The following STK3 variants were observed in gnomAD, a reference collection of about 807,000 sequenced individuals.
STK3 encodes the protein serine/threonine kinase 3, also known as serine/threonine-protein kinase 3.
STK3 carries 41 observed loss-of-function variants against 58.0 expected under a neutral mutation model. That is an observed-to-expected ratio of 0.71 (90% CI 0.55 to 0.92). STK3 has a LOEUF of 0.92. Among genes scored for constraint, STK3 ranks in the 40% least tolerant of loss-of-function variants. The pLI, the probability that STK3 is intolerant of heterozygous loss-of-function variation, is 0.00. For synonymous variants in STK3, 170 were observed against 191.0 expected (o/e 0.89, Z 0.91); for missense variants, 479 against 602.7 (o/e 0.79, Z 2.15).
intron 1 of STK3, among the ~76,000 whole-genome samples, chr8:98,940,010 A>G (rs1840346416): frequency 6.6e-6 from 1 of 152,218 alleles, no homozygotes; most frequent in South Asian, 2.1e-4. Flanking sequence ...TGGACGCGGG[A>G]TCATGGGCGT....
At chr8:98,462,784 TAATC>T (rs1220731796) in intron 10 of STK3, among the ~76,000 whole-genome samples, 1 of 152,356 alleles carries the variant, frequency 6.6e-6, no homozygotes, top group East Asian at 1.9e-4. Context: ...GGTAGCTTAA[TAATC>T]AACCTTTTGA....
chr8:98,814,039 G>A (rs983474816), intron 1 of STK3, among the ~76,000 whole-genome samples: 4 of 152,042 alleles, frequency 2.6e-5, no homozygotes, highest in African/African-American at 9.7e-5. Flanking sequence ...AAAGGCAACT[G>A]AATCTTTAAT....
chr8:98,746,952 G>A (rs1475971414), intron 4 of STK3, among the ~76,000 whole-genome samples: 1 of 151,452 alleles, frequency 6.6e-6, no homozygotes, highest in African/African-American at 2.4e-5. Flanking sequence ...TAAGGCTGGA[G>A]GATCGCTTGA....
intron 3 of STK3, among the ~76,000 whole-genome samples, chr8:98,861,802 TAA>T (rs1345745474): frequency 6.6e-6 from 1 of 152,000 alleles, no homozygotes; most frequent in East Asian, 1.9e-4. Flanking sequence ...CAGAACAGAG[TAA>T]AGAGATTGCT....
chr8:98,828,913 T>C (rs1047678192), upstream of STK3, among the ~76,000 whole-genome samples: 35 of 152,266 alleles, frequency 2.3e-4, no homozygotes, highest in Non-Finnish European at 4.6e-4. Flanking sequence ...TTATTCTCTA[T>C]ACCTTGCATA....
chr8:98,447,006 A>G (rs950884625), intron 1 of STK3, among the ~76,000 whole-genome samples: 7 of 152,146 alleles, frequency 4.6e-5, no homozygotes, highest in African/African-American at 1.7e-4. Context: ...CAAATACCAC[A>G]TGTTCTTGCT....
chr8:98,348,297 T>C, the STK3 span, among the ~76,000 whole-genome samples: 109 of 152,182 alleles, frequency 7.2e-4, no homozygotes, highest in African/African-American at 2.6e-3. Context: ...TCCAAAACTA[T>C]AAAACTAGAA....
Position 98,723,729 on chromosome 8 carries a change from T to C in STK3, c.352-16418A>G, listed in dbSNP as rs192383120. On this transcript the variant is annotated intron_variant, in intron 4 of 10. Transcript: ENST00000419617. ...ACAAAAAATTAGACATACGCCCCCC[T>C]TTTCAAATGCCATAAATAGATAAGT... Among the ~76,000 whole-genome samples, 1,401 of 152,230 alleles carry C rather than the reference T, an allele frequency of 9.2e-3. 17 individuals carry two copies. The highest frequency in any genetic ancestry group is 0.032 in the African/African-American group (1,324 of 41,548).
chr8:98,706,663 C>T, intron 5 of STK3, 29 bp from the exon 6 acceptor site: 2 of 1,513,360 alleles, frequency 1.3e-6, no homozygotes, highest in Non-Finnish European at 1.8e-6. Flanking sequence ...GCCATAAATG[C>T]TACTACAAAA....
intron 3 of STK3, chr8:98,430,808 A>G (rs1268337386): frequency 6.0e-6 from 1 of 167,090 alleles, no homozygotes; most frequent in Non-Finnish European, 1.5e-5. Flanking sequence ...TGTCATAAAA[A>G]ATTGTAAACT....
At chr8:98,389,807 T>G (rs1264457549), upstream of STK3, among the ~76,000 whole-genome samples, 1 of 150,714 alleles carries the variant, frequency 6.6e-6, no homozygotes, top group African/African-American at 2.4e-5. Context: ...CTATTTGGAT[T>G]ATGTGTTAGA....
intron 6 of STK3, among the ~76,000 whole-genome samples, chr8:98,649,535 G>C (rs1820707002): frequency 6.6e-6 from 1 of 152,114 alleles, no homozygotes; most frequent in Non-Finnish European, 1.5e-5. Context: ...CAGATGAACA[G>C]ATAATTCCAA....
intron 6 of STK3, among the ~76,000 whole-genome samples, chr8:98,683,694 C>A (rs1378507525): frequency 1.3e-5 from 2 of 152,070 alleles, no homozygotes; most frequent in African/African-American, 2.4e-5. Flanking sequence ...TGAGGAACTT[C>A]TAACAATAAT....
At chr8:98,425,669 A>G (rs1207916747) in intron 3 of STK3, among the ~76,000 whole-genome samples, 2 of 152,190 alleles carry the variant, frequency 1.3e-5, no homozygotes, top group Non-Finnish European at 2.9e-5. Flanking sequence ...TCAGACTTGG[A>G]TGCAGGAGCC....
chr8:98,707,678 T>C (rs935613144), intron 4 of STK3, among the ~76,000 whole-genome samples: 6 of 152,122 alleles, frequency 3.9e-5, no homozygotes, highest in African/African-American at 1.4e-4. Context: ...GTGTTGGGAT[T>C]ATAGGTGTGA....
At chr8:98,603,869 G>A (rs1323356565) in intron 6 of STK3, among the ~76,000 whole-genome samples, 1 of 152,142 alleles carries the variant, frequency 6.6e-6, no homozygotes, top group African/African-American at 2.4e-5. Flanking sequence ...AGATGTCTAC[G>A]TTCTAATCCC....
At chr8:98,836,925 A>G (rs532181043) in intron 3 of STK3, among the ~76,000 whole-genome samples, 2 of 152,364 alleles carry the variant, frequency 1.3e-5, no homozygotes, top group East Asian at 3.8e-4. Context: ...TTTAAAACAC[A>G]AGATACATAA....
chr8:98,621,102 T>C (rs1195380296), intron 6 of STK3, among the ~76,000 whole-genome samples: 3 of 152,144 alleles, frequency 2.0e-5, no homozygotes, highest in Non-Finnish European at 2.9e-5. Context: ...GCTAATTTTT[T>C]GTATTTTTAG....
chr8:98,698,264 C>T (rs1300087135), intron 6 of STK3, among the ~76,000 whole-genome samples: 48 of 151,442 alleles, frequency 3.2e-4, no homozygotes, highest in Admixed American at 7.9e-4. Flanking sequence ...TGTCTCTGCA[C>T]GTGAGATGGG....
Sources: gnomAD v4.1 joint callset for allele counts (sites outside exome capture counted in the v4.1 genomes callset) on GRCh38, gnomAD v4.1.1 for gene constraint, MANE v1.5 for transcripts, NCBI Gene and HGNC (gene_info 2026-07-23, HGNC 2026-07-21) for gene names.